The following EYS variants were observed in gnomAD, a reference collection of about 807,000 sequenced individuals.
The protein encoded by EYS is EGF-like photoreceptor maintenance factor.
In EYS, 250 loss-of-function variants were observed where a neutral mutation model predicts 282.1. That is an observed-to-expected ratio of 0.89 (90% confidence interval 0.80 to 0.98). The LOEUF (loss-of-function observed/expected upper bound fraction) is 0.98. EYS is among the 50% of genes least tolerant of loss of function. The pLI, the probability that EYS is intolerant of heterozygous loss-of-function variation, is 0.00. For synonymous variants in EYS, 1,355 were observed against 1,282.9 expected, an observed-to-expected ratio of 1.06 and a Z score of -1.20; for missense variants, 4,016 against 3,709.0, an observed-to-expected ratio of 1.08 and a Z score of -2.15.
chr6:64,661,509 A>G (rs1239659296), intron 22 of EYS, among the ~76,000 whole-genome samples: 32 of 152,248 alleles, frequency 2.1e-4, no homozygotes, highest in Non-Finnish European at 5.9e-5. Flanking sequence ...GCTAATATCC[A>G]GAATCTAAAA....
chr6:64,518,806 C>T, intron 26 of EYS, among the ~76,000 whole-genome samples: 1 of 146,848 alleles, frequency 6.8e-6, no homozygotes, highest in Middle Eastern at 3.8e-3. Context: ...GGAACTCATT[C>T]TTCGCCTTGC....
At chr6:64,785,115 T>C (rs1035629831) in intron 22 of EYS, among the ~76,000 whole-genome samples, 3 of 152,066 alleles carry the variant, frequency 2.0e-5, no homozygotes, top group African/African-American at 7.2e-5. Context: ...TAAAAATAAA[T>C]CCTGAACTGC....
chr6:64,513,112 T>A (rs1361530675), intron 26 of EYS, among the ~76,000 whole-genome samples: 1 of 151,902 alleles, frequency 6.6e-6, no homozygotes, highest in East Asian at 1.9e-4. Context: ...AGATTTGCGA[T>A]CAGGTTCTTA....
At chr6:63,763,447 G>C (rs969892352) in intron 40 of EYS, among the ~76,000 whole-genome samples, 2 of 152,002 alleles carry the variant, frequency 1.3e-5, no homozygotes, top group East Asian at 1.9e-4. Context: ...TGGTTTGGCT[G>C]TGTCCCCACC....
At chr6:63,722,543 A>G (rs1452676999) in intron 42 of EYS, among the ~76,000 whole-genome samples, 3 of 152,226 alleles carry the variant, frequency 2.0e-5, no homozygotes, top group Non-Finnish European at 4.4e-5. Context: ...AGAAAAGTAA[A>G]GGCAATTCTG....
rs77301966 is a variant in EYS at position 64,745,830 on chromosome 6, T to G, written c.3443+67548A>C. Among the ~76,000 whole-genome samples, 8 of 152,224 alleles carry G rather than the reference T, an allele frequency of 5.3e-5. No individual in the cohort carries two copies. In the East Asian group the frequency reaches 1.6e-3, roughly 30 times the overall value. ...AATAAAATTTGAAAGCAGCTCTAAG[T>G]GTAGAGAAGAATCAAATCTGATTCC... On this transcript the variant is annotated intron_variant, in intron 22 of 42. Coordinates refer to ENST00000503581, the MANE Select transcript of EYS (RefSeq NM_001142800.2).
intron 26 of EYS, among the ~76,000 whole-genome samples, chr6:64,546,918 G>C (rs1216361476): frequency 1.3e-5 from 2 of 152,206 alleles, no homozygotes; most frequent in South Asian, 2.1e-4. Flanking sequence ...TTTTTACACT[G>C]TTGGTGCTGT....
intron 14 of EYS, among the ~76,000 whole-genome samples, chr6:64,961,035 T>G (rs1769896551): frequency 1.3e-5 from 2 of 152,258 alleles, no homozygotes; most frequent in South Asian, 4.1e-4. Flanking sequence ...TACCACATTT[T>G]CTTTATCCAG....
chr6:64,445,480 T>C (rs1177940400), intron 26 of EYS, among the ~76,000 whole-genome samples: 1 of 152,192 alleles, frequency 6.6e-6, no homozygotes, highest in Non-Finnish European at 1.5e-5. Flanking sequence ...TTTTGTATGC[T>C]TTTGGTACAA....
intron 12 of EYS, among the ~76,000 whole-genome samples, chr6:65,069,582 TTG>T (rs1261888932): frequency 6.6e-6 from 1 of 151,950 alleles, no homozygotes; most frequent in Non-Finnish European, 1.5e-5. Flanking sequence ...ATCCTTTACT[TTG>T]TGTGTCTCTC....
chr6:64,470,808 A>AT, intron 26 of EYS, among the ~76,000 whole-genome samples: 1 of 152,304 alleles, frequency 6.6e-6, no homozygotes, highest in African/African-American at 2.4e-5. Context: ...ATACATAAGA[A>AT]TAAAAAAAGC....
intron 12 of EYS, among the ~76,000 whole-genome samples, chr6:65,136,409 T>C (rs1336732084): frequency 6.6e-6 from 1 of 152,016 alleles, no homozygotes; most frequent in African/African-American, 2.4e-5. Context: ...CACTTTTTTA[T>C]AGTTAGAATT....
intron 15 of EYS, among the ~76,000 whole-genome samples, chr6:64,924,083 G>C (rs1262360644): frequency 6.6e-6 from 1 of 152,146 alleles, no homozygotes; most frequent in Non-Finnish European, 1.5e-5. Flanking sequence ...GGTTCTCCAT[G>C]AGGACCCCGC....
intron 22 of EYS, chr6:64,731,070 T>C (rs2149952262): frequency 6.6e-6 from 1 of 152,178 alleles, no homozygotes; most frequent in South Asian, 2.1e-4. Flanking sequence ...TACTTTCTCT[T>C]TAAAAATAAA....
chr6:64,695,567 T>A (rs1393011423), intron 22 of EYS, among the ~76,000 whole-genome samples: 1 of 148,230 alleles, frequency 6.7e-6, no homozygotes, highest in Non-Finnish European at 1.5e-5. Context: ...TGCCAAATAA[T>A]CATACTTTTT....
intron 36 of EYS, among the ~76,000 whole-genome samples, chr6:63,819,170 C>G (rs1016318267): frequency 6.6e-6 from 1 of 152,110 alleles, no homozygotes; most frequent in African/African-American, 2.4e-5. Flanking sequence ...ATAGGAGGCT[C>G]TCTTTATTGA....
chr6:65,205,533 A>G (rs944218429), intron 12 of EYS, among the ~76,000 whole-genome samples: 1 of 151,866 alleles, frequency 6.6e-6, no homozygotes, highest in Non-Finnish European at 1.5e-5. Flanking sequence ...GACTTAAACT[A>G]TACTCTAAAC....
At chr6:63,802,601 T>C (rs558679772) in intron 37 of EYS, among the ~76,000 whole-genome samples, 1 of 152,286 alleles carries the variant, frequency 6.6e-6, no homozygotes, top group East Asian at 1.9e-4. Flanking sequence ...GTTATTTTAA[T>C]ATATGTGTGA....
chr6:65,274,690 C>T lies in EYS; in HGVS notation c.2023+21173G>A, dbSNP rs75496090. ...TAAGATATCATGCTGGTTCATTACA[C>T]TGATAACATTATGTTAATTAGACCA... is the stretch of plus-strand genomic sequence containing the variant. On this transcript the variant is annotated intron_variant, in intron 12 of 42. Transcript: ENST00000503581. 5.5e-4 allele frequency among the ~76,000 whole-genome samples: 84 copies of T among 152,210 alleles called. 1 individual carries two copies. In the East Asian group the frequency reaches 0.013, roughly 23 times the overall value.
Sources: gnomAD v4.1 joint callset for allele counts (sites outside exome capture counted in the v4.1 genomes callset) on GRCh38, gnomAD v4.1.1 for gene constraint, MANE v1.5 for transcripts, NCBI Gene and HGNC (gene_info 2026-07-23, HGNC 2026-07-21) for gene names.